Variants in ERCC6L2 observed in about 807,000 individuals in gnomAD.
ERCC6L2 encodes the protein ERCC excision repair 6 like 2.
ERCC6L2 carries 77 observed loss-of-function variants against 132.0 expected under a neutral mutation model. The ratio of observed to expected loss-of-function variants is 0.58; its 90% CI spans 0.49 to 0.71. ERCC6L2 has a LOEUF of 0.71. Ranked by LOEUF, ERCC6L2 falls within the 30% of genes least tolerant of loss-of-function variation. ERCC6L2 has a pLI of 0.00. For synonymous variants in ERCC6L2, 583 were observed against 632.4 expected (o/e 0.92, Z 1.17); for missense variants, 1,542 against 1,837.6 (o/e 0.84, Z 2.94).
chr9:95,915,979 G>A, intron 5 of ERCC6L2, 150 bp downstream of exon 5: 3 of 840,542 alleles, frequency 3.6e-6, no homozygotes, highest in South Asian at 3.8e-5. Context: ...ACAGTAGAGA[G>A]TCCCATGAAA....
intron 17 of ERCC6L2, among the ~76,000 whole-genome samples, chr9:95,993,185 C>G (rs1032809947): frequency 5.9e-5 from 9 of 152,152 alleles, no homozygotes; most frequent in African/African-American, 2.2e-4. Context: ...CCAAGATGAT[C>G]CTCAGAAAGG....
At chr9:95,956,469 G>A (rs1831607612) in intron 13 of ERCC6L2, among the ~76,000 whole-genome samples, 1 of 152,198 alleles carries the variant, frequency 6.6e-6, no homozygotes, top group Non-Finnish European at 1.5e-5. Context: ...TTTCTGGACA[G>A]CAAGAGTACC....
At chr9:95,894,084 C>T (rs1357010940) in intron 2 of ERCC6L2, among the ~76,000 whole-genome samples, 1 of 151,982 alleles carries the variant, frequency 6.6e-6, no homozygotes, top group Non-Finnish European at 1.5e-5. Flanking sequence ...GCCTATCCTA[C>T]CTTAAACATG....
At chr9:95,930,802 C>A (rs1440936045) in intron 11 of ERCC6L2, among the ~76,000 whole-genome samples, 2 of 152,142 alleles carry the variant, frequency 1.3e-5, no homozygotes, top group Non-Finnish European at 2.9e-5. Context: ...GGTCCATTAA[C>A]TTTCCACATG....
chr9:95,905,906 A>C (rs915547364), intron 3 of ERCC6L2, among the ~76,000 whole-genome samples: 2 of 152,192 alleles, frequency 1.3e-5, no homozygotes, highest in African/African-American at 4.8e-5. Flanking sequence ...CATCTCTATC[A>C]AGTAGATCAA....
At chr9:95,997,736 T>G (rs1387589248) in intron 17 of ERCC6L2, among the ~76,000 whole-genome samples, 1 of 152,258 alleles carries the variant, frequency 6.6e-6, no homozygotes, top group Admixed American at 6.5e-5. Flanking sequence ...ACTTGAATCT[T>G]CATTACTATT....
At chr9:96,037,420 A>G (rs1018735539) in intron 19 of ERCC6L2, among the ~76,000 whole-genome samples, 2 of 152,216 alleles carry the variant, frequency 1.3e-5, no homozygotes, top group African/African-American at 2.4e-5. Context: ...CAGAGGCAAC[A>G]GTGAATCCCA....
At chr9:95,991,437 ATTGT>A (rs1273965072) in intron 17 of ERCC6L2, among the ~76,000 whole-genome samples, 1 of 152,144 alleles carries the variant, frequency 6.6e-6, no homozygotes, top group Non-Finnish European at 1.5e-5. Flanking sequence ...CACTTGTATA[ATTGT>A]TTGAGTTGCA....
chr9:95,892,243 A>G (rs543883381), intron 2 of ERCC6L2, among the ~76,000 whole-genome samples: 6 of 152,174 alleles, frequency 3.9e-5, no homozygotes, highest in African/African-American at 7.2e-5. Flanking sequence ...ACTGCATACT[A>G]TAGATTATAT....
chr9:95,891,272 G>A lies in ERCC6L2; in HGVS notation c.472-6577G>A, dbSNP rs188413007. ...GATATTTACTGACTTGACACTTTAC[G>A]TACATACTTTTTAACTTTTTTCTAG... On this transcript the variant is annotated intron_variant, in intron 2 of 18. Coordinates refer to ENST00000653738, the MANE Select transcript of ERCC6L2 (RefSeq NM_020207.7). Among the ~76,000 whole-genome samples the A allele has an allele frequency of 7.2e-5, 11 of 152,126 alleles. No homozygotes were observed. The East Asian group carries it at 1.7e-3, about 24-fold the overall frequency.
At chr9:95,891,873 T>C (rs145167031) in intron 2 of ERCC6L2, among the ~76,000 whole-genome samples, 150 of 152,278 alleles carry the variant, frequency 9.9e-4, no homozygotes, top group African/African-American at 3.6e-3. Context: ...ATTTAAGTCT[T>C]TTGCCTGTTT....
intron 7 of ERCC6L2, among the ~76,000 whole-genome samples, chr9:95,921,944 A>G (rs970591226): frequency 1.3e-5 from 2 of 152,164 alleles, no homozygotes; most frequent in Non-Finnish European, 2.9e-5. Flanking sequence ...CCAGTTTCCT[A>G]GGAGCCTTGG....
rs1339271171 is a variant in ERCC6L2, at chr9:96,023,703, T to C, written c.*1504-15173T>C. Among the ~76,000 whole-genome samples the C allele has an allele frequency of 2.0e-5, 3 of 152,184 alleles. No homozygotes were observed. The East Asian group carries it at 5.8e-4, about 29-fold the overall frequency. On this transcript the variant is annotated intron_variant and NMD_transcript_variant, in intron 19 of 20. Coordinates refer to the ERCC6L2 transcript ENST00000670016. The stretch of plus-strand genomic sequence containing the variant: ...TTCCTCAGTTGCTTCATCAATCACA[T>C]GGGGCTGGGGCAGTGAGGAGGATGT...
At position 95,972,588 on chromosome 9, in the gene ERCC6L2, G is replaced by A. The variant is rs576823539; in HGVS notation, c.2837G>A (p.Arg946Gln). The change falls in exon 16 of 19, where the codon CGA becomes CAA. Residue 946 changes from arginine (R) to glutamine (Q), a missense_variant. Coordinates refer to ENST00000653738, the MANE Select transcript of ERCC6L2 (RefSeq NM_020207.7). ...TVKTRNNDNS[R>Q]NTDDKRNGII... Reference sequence around the variant, plus strand: ...AAAACAAGAAATAATGATAATAGTCGAAACACTGATGACAAAAGAAATGGA... The same window carrying A: ...AAAACAAGAAATAATGATAATAGTCAAAACACTGATGACAAAAGAAATGGA... 5.6e-5 allele frequency: 72 copies of A among 1,289,386 alleles called. No individual in the cohort carries two copies. Among genetic ancestry groups the A allele is most frequent in the African/African-American group, 7.6e-5 (5 of 65,836 alleles). The allele number at this position is 1,289,386 out of a possible 1,614,324, so 79.9% of individuals were successfully genotyped here. A position where few individuals can be genotyped will look rare whatever the true frequency, so the allele number is the denominator to read the frequency against.
At chr9:95,935,957 G>A (rs1830533887) in intron 11 of ERCC6L2, among the ~76,000 whole-genome samples, 2 of 152,212 alleles carry the variant, frequency 1.3e-5, no homozygotes, top group South Asian at 4.1e-4. Context: ...TATATTCTGT[G>A]CTTAAAATAA....
At chr9:96,019,110 A>G (rs1834241354), downstream of ERCC6L2, among the ~76,000 whole-genome samples, 1 of 151,296 alleles carries the variant, frequency 6.6e-6, no homozygotes, top group Non-Finnish European at 1.5e-5. Context: ...TCAGACTAAA[A>G]TGTCTGGCAA....
At chr9:95,892,377 G>A (rs1016429994) in intron 2 of ERCC6L2, among the ~76,000 whole-genome samples, 1 of 147,806 alleles carries the variant, frequency 6.8e-6, no homozygotes, top group African/African-American at 2.5e-5. Context: ...GTATTTCTCT[G>A]TAGGATAGAT....
intron 3 of ERCC6L2, among the ~76,000 whole-genome samples, chr9:95,899,600 A>ATATATGTG (rs746946004): frequency 1.9e-4 from 25 of 134,818 alleles, no homozygotes; most frequent in African/African-American, 5.8e-4. Context: ...TTATATATAT[A>ATATATGTG]TGTGTGTGTG....
intron 17 of ERCC6L2, among the ~76,000 whole-genome samples, chr9:95,995,855 G>T (rs191380798): frequency 2.6e-5 from 4 of 152,128 alleles, no homozygotes; most frequent in African/African-American, 9.7e-5. Flanking sequence ...TGTGTGTTCC[G>T]ACTGCTCTAC....
Sources: allele counts gnomAD v4.1 joint callset (sites outside exome capture counted in the v4.1 genomes callset), GRCh38; gene constraint gnomAD v4.1.1; transcripts MANE v1.5; gene names NCBI Gene and HGNC (gene_info 2026-07-23, HGNC 2026-07-21).